The following FBN2 variants were observed in gnomAD, a reference collection of about 807,000 sequenced individuals.
The protein encoded by FBN2 is fibrillin-2.
FBN2 carries 105 observed loss-of-function variants against 355.6 expected under a neutral mutation model. The ratio of observed to expected loss-of-function variants is 0.30; its 90% CI spans 0.25 to 0.35. FBN2 has a LOEUF of 0.35. Among genes scored for constraint, FBN2 ranks in the 10% least tolerant of loss-of-function variants. FBN2 has a pLI of 1.00. For missense variants in FBN2, 3,280 were observed against 3,758.7 expected (o/e 0.87, Z 3.33); for synonymous variants, 1,350 against 1,301.2 (o/e 1.04, Z -0.81).
chr5:128,378,460 AG>A (rs1752144616), intron 12 of FBN2, among the ~76,000 whole-genome samples: 1 of 152,170 alleles, frequency 6.6e-6, no homozygotes, highest in African/African-American at 2.4e-5. Flanking sequence ...AGAAAACAGT[AG>A]TTTAAAATGA....
At position 128,274,576 on chromosome 5, in the gene FBN2, C is replaced by A. The variant is rs1765342597; in HGVS notation, c.7702G>T (p.Ala2568Ser). The change falls in exon 60 of 65, where the codon GCT becomes TCT. Residue 2568 changes from alanine to serine, a missense_variant. Physicochemically the swap from Ala to Ser is moderately conservative, Grantham distance 99. This residue lies in a region of FBN2 where 2,284 missense variants were observed against 2,749.5 expected (regional missense o/e 0.83). Coordinates refer to ENST00000262464, the MANE Select transcript of FBN2 (RefSeq NM_001999.4). ...TGTAACTTTGTCTTACCGATACAAGCAGTGTGATGCTGTGTGAAACCAGGT... is the reference window on the plus strand; with the variant it reads ...TGTAACTTTGTCTTACCGATACAAGAAGTGTGATGCTGTGTGAAACCAGGT... ...CPPGFTQHHTACIDNNECGSQ... is the reference protein window; with the variant it reads ...CPPGFTQHHTSCIDNNECGSQ... The A allele has an allele frequency of 6.3e-7, 1 of 1,587,400 alleles. No individual in the cohort carries two copies. The highest frequency in any genetic ancestry group is 1.3e-5 in the African/African-American group (1 of 74,358).
chr5:128,435,172 C>T lies in FBN2; in HGVS notation c.952+11309G>A, dbSNP rs1251185682. The stretch of plus-strand genomic sequence containing the variant: ...ATCAAGCCCTCTGGGTCTTAACTCT[C>T]CATTGCTGTAATTTAGGTGGAACTG... On this transcript the variant is annotated intron_variant, in intron 7 of 64. Coordinates refer to ENST00000262464, the MANE Select transcript of FBN2 (RefSeq NM_001999.4). Among the ~76,000 whole-genome samples the T allele has an allele frequency of 3.3e-5, 5 of 152,198 alleles. No individual in the cohort carries two copies. The East Asian group carries it at 7.7e-4, about 24-fold the overall frequency.
At chr5:128,321,600 C>T (rs1276519911) in intron 34 of FBN2, among the ~76,000 whole-genome samples, 4 of 152,108 alleles carry the variant, frequency 2.6e-5, no homozygotes, top group Admixed American at 1.3e-4. Context: ...GCTTCATCCA[C>T]GTCCCTGCAA....
intron 62 of FBN2, among the ~76,000 whole-genome samples, chr5:128,271,660 T>C (rs184795428): frequency 3.7e-4 from 56 of 152,246 alleles, no homozygotes; most frequent in African/African-American, 1.3e-3. Flanking sequence ...AATCTAAATA[T>C]ATTAAATTAC....
At chr5:128,414,438 T>C (rs987390944) in intron 7 of FBN2, among the ~76,000 whole-genome samples, 2 of 152,190 alleles carry the variant, frequency 1.3e-5, no homozygotes, top group Non-Finnish European at 2.9e-5. Context: ...GGTTCATTCA[T>C]GTTGGGGCAT....
intron 46 of FBN2, 84 bp from the exon 47 acceptor site, chr5:128,301,594 A>T: frequency 7.7e-7 from 1 of 1,295,322 alleles, no homozygotes; most frequent in Non-Finnish European, 1.1e-6. Flanking sequence ...AAACATACTT[A>T]TTGGCATGCA....
intron 7 of FBN2, among the ~76,000 whole-genome samples, chr5:128,436,486 A>C (rs937756689): frequency 1.3e-5 from 2 of 152,162 alleles, no homozygotes; most frequent in Non-Finnish European, 2.9e-5. Context: ...GCCTCCCAAC[A>C]TAAATGTATC....
chr5:128,367,288 T>C (rs563659880), intron 16 of FBN2, among the ~76,000 whole-genome samples: 1 of 152,246 alleles, frequency 6.6e-6, no homozygotes, highest in African/African-American at 2.4e-5. Flanking sequence ...ACCCTCATTA[T>C]CACCGGGAAG....
At chr5:128,328,302 T>C in intron 34 of FBN2, 1 of 410,388 alleles carries the variant, frequency 2.4e-6, no homozygotes, top group Non-Finnish European at 4.5e-6. Flanking sequence ...CGAAGGTAAA[T>C]GCCAAAAATG....
At chr5:128,389,873 T>C (rs982914814) in intron 11 of FBN2, among the ~76,000 whole-genome samples, 3 of 152,184 alleles carry the variant, frequency 2.0e-5, no homozygotes, top group Non-Finnish European at 4.4e-5. Flanking sequence ...GTCTGTGTGC[T>C]CCTTCCATAC....
chr5:128,285,407 A>T (rs1283534943), intron 55 of FBN2, among the ~76,000 whole-genome samples: 1 of 152,236 alleles, frequency 6.6e-6, no homozygotes, highest in Non-Finnish European at 1.5e-5. Context: ...TTTTGCAGAC[A>T]TTTCAGCTAT....
Position 128,345,465 on chromosome 5 carries a change from A to C in FBN2, c.3109T>G (p.Cys1037Gly), listed in dbSNP as rs767572267. Residue 1037 changes from cysteine (C) to glycine (G), a missense_variant, in exon 24 of 65, where the codon TGT (cysteine) becomes GGT (glycine). Physicochemically the swap from Cys to Gly is radical, Grantham distance 159 (BLOSUM62 -3). Transcript: ENST00000262464. Reference protein sequence around the residue: ...CAVGAAWGTECEECPKPGTKE... With the variant: ...CAVGAAWGTEGEECPKPGTKE... ...GTGCCAGGTTTGGGGCACTCCTCAC[A>C]CTCGGTGCCCCAAGCCGCCCCGACA... 2 of 1,613,850 alleles carry C rather than the reference A, an allele frequency of 1.2e-6. No individual in the cohort carries two copies. The highest frequency in any genetic ancestry group is 1.7e-6 in the Non-Finnish European group (2 of 1,179,938).
rs28763946 is a variant in FBN2 at position 128,345,559 on chromosome 5, C to T, written c.3015G>A (p.Leu1005=). 38,890 of 1,612,682 alleles carry T rather than the reference C, an allele frequency of 0.024. 602 individuals carry two copies. Among genetic ancestry groups the T allele is most frequent in the Non-Finnish European group, 0.029 (34,595 of 1,179,444 alleles). The change falls in exon 24 of 65, where the codon TTG becomes TTA. Residue 1005 remains leucine (L), a synonymous_variant. Transcript: ENST00000262464. ...CLDIRMEQCY[L]KWDEDECIHP... is the part of the protein sequence containing the mutation. ...GGATGCATTCATCTTCATCCCACTT[C>T]AAGTAACACTGCTCCATGCGAATAT...
chr5:128,308,374 A>G (rs981064620), intron 41 of FBN2, among the ~76,000 whole-genome samples: 2 of 152,158 alleles, frequency 1.3e-5, no homozygotes, highest in Non-Finnish European at 2.9e-5. Flanking sequence ...AAGAAAATCC[A>G]TTTGACCAGT....
At chr5:128,342,428 C>A (rs1420306822) in intron 25 of FBN2, among the ~76,000 whole-genome samples, 1 of 151,798 alleles carries the variant, frequency 6.6e-6, no homozygotes, top group Non-Finnish European at 1.5e-5. Context: ...TGACAGAGGG[C>A]AAAAGTCAAA....
In FBN2 at chr5:128,273,843, C is replaced by T. The variant is rs770800096; in HGVS notation, c.7837G>A (p.Glu2613Lys). The T allele has an allele frequency of 4.3e-6, 7 of 1,613,830 alleles. No homozygotes were observed. The Admixed American group carries it at 1.2e-4, about 27-fold the overall frequency. ...ATTTTTGAGCAAATCAACTAACCTT[C>T]ACAGTTCAGTCCGGTGGCATCAAGA... ...FSLDATGLNC[E>K]DVDECDGNHR... is the part of the protein sequence containing the mutation. The change falls in exon 61 of 65, where the codon GAA becomes AAA. Residue 2613 changes from glutamate to lysine, a missense_variant. By Grantham distance (56) the Glu-to-Lys change is moderately conservative (BLOSUM62 1). Around this residue, in one of 6 missense-constraint regions of FBN2, gnomAD observed 2,284 missense variants for 2,749.5 expected, o/e 0.83. Transcript: ENST00000262464.
Position 128,310,402 on chromosome 5 carries a change from ATTTTTTTT to A in FBN2, c.5075-302_5075-295del, listed in dbSNP as rs199690802. On this transcript the variant is annotated intron_variant, in intron 39 of 64. Coordinates refer to ENST00000262464, the MANE Select transcript of FBN2 (RefSeq NM_001999.4). ...TATATATATATATATATATATATATATTTTTTTTTTTTTTTTTTTATTGCAATTCGCAT... is the reference window on the plus strand; with the variant it reads ...TATATATATATATATATATATATATATTTTTTTTTTTATTGCAATTCGCAT... 0.086 allele frequency among the ~76,000 whole-genome samples: 1,953 copies of A among 22,784 alleles called. 21 individuals carry two copies. The highest frequency in any genetic ancestry group is 0.11 in the Middle Eastern group (4 of 36). 14.9% of individuals were successfully genotyped at this position (22,784 alleles called of 152,430 possible). A position where few individuals can be genotyped will look rare whatever the true frequency, so the allele number is the denominator to read the frequency against.
intron 2 of FBN2, 28 bp from the exon 3 acceptor site, chr5:128,530,721 T>C (rs774656113): frequency 2.2e-6 from 3 of 1,345,652 alleles, no homozygotes; most frequent in East Asian, 2.3e-5. Context: ...GGAAAATGAA[T>C]GAATAACTAT....
chr5:128,472,119 A>G (rs1754876218), intron 5 of FBN2, among the ~76,000 whole-genome samples: 2 of 152,256 alleles, frequency 1.3e-5, no homozygotes, highest in Admixed American at 1.3e-4. Flanking sequence ...TTAAGCGTCC[A>G]CTGACAGATG....
Sources: allele counts gnomAD v4.1 joint callset (sites outside exome capture counted in the v4.1 genomes callset), GRCh38; gene constraint gnomAD v4.1.1; regional missense constraint gnomAD v4.1.1; transcripts MANE v1.5; gene names NCBI Gene and HGNC (gene_info 2026-07-23, HGNC 2026-07-21).